The following PDZD9 variants were observed in gnomAD, a reference collection of about 807,000 sequenced individuals.
PDZD9 encodes PDZ domain-containing protein 9.
A neutral mutation model predicts 16.3 loss-of-function variants in PDZD9; 13 were observed. The observed-to-expected ratio is 0.80, with a 90% CI of 0.52 to 1.27. The LOEUF (loss-of-function observed/expected upper bound fraction) is 1.27, where lower values mean the gene tolerates loss of function less well. Among genes scored for constraint, PDZD9 ranks in the 50% most tolerant of loss-of-function variants. The probability of loss-of-function intolerance (pLI) is 0.00; values close to 1 mark genes in which losing one functional copy is unlikely to be tolerated. For missense variants in PDZD9, 288 were observed against 310.9 expected (o/e 0.93, Z 0.55); for synonymous variants, 120 against 111.0 (o/e 1.08, Z -0.51).
At chr16:21,984,865 T>A (rs1898837474) in intron 3 of PDZD9, among the ~76,000 whole-genome samples, 1 of 152,230 alleles carries the variant, frequency 6.6e-6, no homozygotes, top group Non-Finnish European at 1.5e-5. Context: ...AATTCTGCCT[T>A]AAATTACTTC....
rs759803828 is a variant in PDZD9 at position 21,994,831 on chromosome 16, AT to A, written c.211+1490del. 5.1e-3 allele frequency among the ~76,000 whole-genome samples: 720 copies of A among 142,150 alleles called. 2 individuals carry two copies. The highest frequency in any genetic ancestry group is 0.018 in the Middle Eastern group (5 of 276). 93.3% of individuals were successfully genotyped at this position (142,150 alleles called of 152,430 possible). Reference sequence around the variant, plus strand: ...CACTGACCCTCATTAAGTAAATTTAATTTTTTTTTTTTTTTTAGAGGTAGGG... The same window carrying A: ...CACTGACCCTCATTAAGTAAATTTAATTTTTTTTTTTTTTTAGAGGTAGGG... On this transcript the variant is annotated intron_variant, in intron 2 of 3. Coordinates refer to ENST00000424898, the MANE Select transcript of PDZD9 (RefSeq NM_001363519.1).
chr16:21,980,059 C>T (rs190559751), downstream of PDZD9, among the ~76,000 whole-genome samples: 3 of 152,298 alleles, frequency 2.0e-5, no homozygotes, highest in Admixed American at 6.5e-5. Flanking sequence ...CTATGATGTT[C>T]GATACGTTAG....
chr16:21,984,535 G>T lies in PDZD9; in HGVS notation c.527C>A (p.Ala176Glu), dbSNP rs777690076. Residue 176 changes from alanine (A) to glutamate (E), a missense_variant, in exon 4 of 4, where the codon GCA becomes GAA. Transcript: ENST00000424898. ...RYPWSTVHHP[A>E]RRPISISRDW... ...TCTGGAGATGGATATTGGTCTCCTT[G>T]CAGGGTGATGCACAGTTGACCACGG... 32 of 1,605,598 alleles carry T rather than the reference G, an allele frequency of 2.0e-5. No homozygotes were observed. The highest frequency in any genetic ancestry group is 2.5e-5 in the Non-Finnish European group (29 of 1,173,014).
the PDZD9 span, among the ~76,000 whole-genome samples, chr16:21,978,044 C>T: frequency 3.9e-5 from 6 of 152,192 alleles, no homozygotes; most frequent in African/African-American, 1.2e-4. Flanking sequence ...TTTAAGAAAA[C>T]GTATTTTCTT....
intron 3 of PDZD9, 78 bp downstream of exon 3, chr16:21,988,524 G>T: frequency 8.6e-7 from 1 of 1,168,556 alleles, no homozygotes; most frequent in Non-Finnish European, 1.2e-6. Context: ...TTTGATAATT[G>T]TCACATTAAA....
At chr16:21,986,714 A>G (rs1044576347) in intron 3 of PDZD9, among the ~76,000 whole-genome samples, 1 of 152,228 alleles carries the variant, frequency 6.6e-6, no homozygotes, top group Non-Finnish European at 1.5e-5. Flanking sequence ...TCCCAGGGAA[A>G]CACAGTGAAC....
intron 2 of PDZD9, among the ~76,000 whole-genome samples, chr16:21,994,437 C>T (rs2141961102): frequency 6.6e-6 from 1 of 152,350 alleles, no homozygotes; most frequent in African/African-American, 2.4e-5. Context: ...TAGGCCCAGG[C>T]CAGGCACTGA....
intron 2 of PDZD9, among the ~76,000 whole-genome samples, chr16:21,989,386 A>G (rs1597978082): frequency 6.6e-6 from 1 of 152,156 alleles, no homozygotes; most frequent in East Asian, 1.9e-4. Context: ...GACAGAGGCT[A>G]AAAAACATTT....
chr16:21,965,483 T>G, the PDZD9 span: 1 of 1,607,206 alleles, frequency 6.2e-7, no homozygotes, highest in East Asian at 2.2e-5. Flanking sequence ...GACTATAGGA[T>G]TGGAAAAGTG....
At chr16:21,964,093 G>A in the PDZD9 span, among the ~76,000 whole-genome samples, 1 of 152,122 alleles carries the variant, frequency 6.6e-6, no homozygotes, top group South Asian at 2.1e-4. Flanking sequence ...CAACTCAGTG[G>A]TTCAGCATGG....
At chr16:21,976,482 A>C in the PDZD9 span, 5 of 396,794 alleles carry the variant, frequency 1.3e-5, no homozygotes, top group Admixed American at 1.2e-4. Flanking sequence ...ATTTGAGACC[A>C]GGAGTTTGAG....
chr16:21,958,426 T>C, the PDZD9 span: 4 of 944,106 alleles, frequency 4.2e-6, no homozygotes, highest in Non-Finnish European at 6.6e-6. Flanking sequence ...GATGCAGGAA[T>C]TTAGTAAAAT....
intron 1 of PDZD9, 41 bp from the exon 2 acceptor site, chr16:21,996,542 A>G (rs1363131232): frequency 6.7e-7 from 1 of 1,498,592 alleles, no homozygotes. Context: ...CTTCACCAAG[A>G]CAGAAGCATG....
the PDZD9 span, chr16:21,962,270 G>A: frequency 1.6e-6 from 1 of 611,220 alleles, no homozygotes; most frequent in South Asian, 2.0e-5. Flanking sequence ...TTTTAAGGTT[G>A]AATTATTTGC....
At chr16:21,966,006 T>G in the PDZD9 span, among the ~76,000 whole-genome samples, 12 of 152,178 alleles carry the variant, frequency 7.9e-5, no homozygotes, top group South Asian at 1.9e-3. Flanking sequence ...TTAAACAGTA[T>G]TTAAATGTTT....
At chr16:21,991,429 G>T (rs994795469) in intron 2 of PDZD9, among the ~76,000 whole-genome samples, 4 of 152,000 alleles carry the variant, frequency 2.6e-5, no homozygotes, top group South Asian at 4.1e-4. Flanking sequence ...TATTGAAATG[G>T]GGTTTTGTCA....
At chr16:21,992,566 T>C (rs1416133237) in intron 2 of PDZD9, among the ~76,000 whole-genome samples, 1 of 152,196 alleles carries the variant, frequency 6.6e-6, no homozygotes, top group African/African-American at 2.4e-5. Flanking sequence ...AAAGGTGGAA[T>C]GAGCAGACTT....
intron 1 of PDZD9, among the ~76,000 whole-genome samples, chr16:21,997,969 A>G (rs542654413): frequency 6.6e-5 from 10 of 152,292 alleles, no homozygotes; most frequent in African/African-American, 2.4e-4. Context: ...GGAGGGGTTC[A>G]TGGCCCTTTC....
the PDZD9 span, among the ~76,000 whole-genome samples, chr16:21,967,006 G>T: frequency 6.6e-6 from 1 of 152,006 alleles, no homozygotes; most frequent in Non-Finnish European, 1.5e-5. Flanking sequence ...CATACCAAAA[G>T]GTCCCTTTTT....
Sources: allele counts gnomAD v4.1 joint callset (sites outside exome capture counted in the v4.1 genomes callset), GRCh38; gene constraint gnomAD v4.1.1; transcripts MANE v1.5; gene names NCBI Gene and HGNC (gene_info 2026-07-23, HGNC 2026-07-21).